STRN: variants seen among roughly 807,000 people sequenced by gnomAD.
STRN encodes protein phosphatase 2 regulatory subunit B'''alpha.
In STRN, 53 loss-of-function variants were observed where a neutral mutation model predicts 96.3. The observed-to-expected ratio is 0.55, with a 90% CI of 0.44 to 0.69. The LOEUF (loss-of-function observed/expected upper bound fraction) is 0.69, where lower values mean the gene tolerates loss of function less well. Ranked by LOEUF, STRN falls within the 30% of genes least tolerant of loss-of-function variation. STRN has a pLI of 0.00. For missense variants in STRN, 987 were observed against 963.9 expected, an observed-to-expected ratio of 1.02 and a Z score of -0.32; for synonymous variants, 428 against 355.9, an observed-to-expected ratio of 1.20 and a Z score of -2.28.
intron 3 of STRN, among the ~76,000 whole-genome samples, chr2:36,912,996 A>G (rs543075066): frequency 6.6e-6 from 1 of 152,346 alleles, no homozygotes; most frequent in South Asian, 2.1e-4. Flanking sequence ...ATAAAATCAA[A>G]TTTATGTATA....
chr2:36,957,062 A>G (rs1216700523), intron 1 of STRN, among the ~76,000 whole-genome samples: 1 of 152,224 alleles, frequency 6.6e-6, no homozygotes, highest in Non-Finnish European at 1.5e-5. Flanking sequence ...CCCTTAGGAT[A>G]TTGACCAATC....
intron 1 of STRN, among the ~76,000 whole-genome samples, chr2:36,937,932 A>G (rs1001863982): frequency 6.6e-6 from 1 of 152,148 alleles, no homozygotes; most frequent in African/African-American, 2.4e-5. Flanking sequence ...AAAGTAGGGG[A>G]AAAAAGGCAA....
chr2:36,906,765 T>C (rs1267156173), intron 3 of STRN, among the ~76,000 whole-genome samples: 1 of 151,752 alleles, frequency 6.6e-6, no homozygotes, highest in Non-Finnish European at 1.5e-5. Flanking sequence ...CCATATCTAC[T>C]AAAAATACAA....
rs1449116673 is a variant in STRN at position 36,849,698 on chromosome 2, T to C, written c.2173+16A>G. 6.2e-6 allele frequency: 10 copies of C among 1,613,784 alleles called. No individual in the cohort carries two copies. The South Asian group carries it at 6.6e-5, about 11-fold the overall frequency. On this transcript the variant is annotated intron_variant, in intron 17 of 17. Coordinates refer to ENST00000263918, the MANE Select transcript of STRN (RefSeq NM_003162.4). The stretch of plus-strand genomic sequence containing the variant: ...ATGGTAAGGACAAATAAATAATCCA[T>C]AGTTGAGGTACTTACTGCCAGACAT...
At chr2:36,876,333 G>C (rs1668910686) in intron 10 of STRN, among the ~76,000 whole-genome samples, 1 of 151,898 alleles carries the variant, frequency 6.6e-6, no homozygotes, top group African/African-American at 2.4e-5. Flanking sequence ...TGGAGTGCAA[G>C]GAGTCCATTT....
rs952450671 is a variant in STRN, at chr2:36,886,977, C to CA, written c.932-152dup. ...ATTCATTTTATATATATAAGTCACACAAAAAAATATAATCACTAAGAAGAA... is the reference window on the plus strand; with the variant it reads ...ATTCATTTTATATATATAAGTCACACAAAAAAAATATAATCACTAAGAAGAA... On this transcript the variant is annotated intron_variant, in intron 7 of 17. Coordinates refer to ENST00000263918, the MANE Select transcript of STRN (RefSeq NM_003162.4). 31 of 516,594 alleles carry CA rather than the reference C, an allele frequency of 6.0e-5. No homozygotes were observed. The African/African-American group carries it at 6.2e-4, about 10-fold the overall frequency. 32.0% of individuals were successfully genotyped at this position (516,594 alleles called of 1,614,324 possible). A position where few individuals can be genotyped will look rare whatever the true frequency, so the allele number is the denominator to read the frequency against.
Position 36,927,951 on chromosome 2 carries a change from C to T in STRN, c.235-2743G>A, listed in dbSNP as rs1319140332. Among the ~76,000 whole-genome samples the T allele has an allele frequency of 2.0e-5, 3 of 151,986 alleles. No homozygotes were observed. In the East Asian group the frequency reaches 5.8e-4, roughly 29 times the overall value. ...TAAAACACAGACAAGAATATGTATACAACCCAAATGACCACCTAAAGGAGA... is the reference window on the plus strand; with the variant it reads ...TAAAACACAGACAAGAATATGTATATAACCCAAATGACCACCTAAAGGAGA... On this transcript the variant is annotated intron_variant, in intron 1 of 17. Transcript: ENST00000263918.
chr2:36,947,120 T>A (rs1664596746), intron 1 of STRN, among the ~76,000 whole-genome samples: 2 of 152,154 alleles, frequency 1.3e-5, no homozygotes, highest in South Asian at 4.2e-4. Context: ...ATGGTCTCCA[T>A]CTCCTGAATT....
rs1384148026 is a variant in STRN at position 36,839,886 on chromosome 2, A to G, written c.*9570T>C. The G allele has an allele frequency of 2.0e-5, 3 of 152,216 alleles. No individual in the cohort carries two copies. Among genetic ancestry groups the G allele is most frequent in the Non-Finnish European group, 2.9e-5 (2 of 68,034 alleles). 9.4% of individuals were successfully genotyped at this position (152,216 alleles called of 1,614,324 possible). A position where few individuals can be genotyped will look rare whatever the true frequency, so the allele number is the denominator to read the frequency against. On this transcript the variant is annotated 3_prime_UTR_variant, in exon 18 of 18. Coordinates refer to ENST00000263918, the MANE Select transcript of STRN (RefSeq NM_003162.4). ...CTAACTTGTTGACTGTTTTATTCCT[A>G]AAACAATTGCACTGTTCAGCTAAAG... is the stretch of plus-strand genomic sequence containing the variant.
At chr2:36,938,185 G>A (rs535265267) in intron 1 of STRN, among the ~76,000 whole-genome samples, 1 of 152,234 alleles carries the variant, frequency 6.6e-6, no homozygotes, top group Non-Finnish European at 1.5e-5. Flanking sequence ...CAGCATTTTG[G>A]GAGGCCGAGG....
chr2:36,957,097 A>G (rs1664906425), intron 1 of STRN, among the ~76,000 whole-genome samples: 1 of 152,200 alleles, frequency 6.6e-6, no homozygotes, highest in African/African-American at 2.4e-5. Context: ...TGCAGGACTC[A>G]AGGAGCAAAA....
intron 8 of STRN, among the ~76,000 whole-genome samples, chr2:36,885,422 A>C (rs983208517): frequency 2.0e-5 from 3 of 152,182 alleles, no homozygotes; most frequent in Non-Finnish European, 4.4e-5. Flanking sequence ...GACTCTCAAA[A>C]GCCAAGACAA....
chr2:36,846,717 A>G lies in STRN; in HGVS notation c.*2739T>C, dbSNP rs1328883154. 2 of 151,950 alleles carry G rather than the reference A, an allele frequency of 1.3e-5. No individual in the cohort carries two copies. Among genetic ancestry groups the G allele is most frequent in the Non-Finnish European group, 2.9e-5 (2 of 67,998 alleles). The allele number at this position is 151,950 out of a possible 1,614,324, so 9.4% of individuals were successfully genotyped here. On this transcript the variant is annotated 3_prime_UTR_variant, in exon 18 of 18. Coordinates refer to ENST00000263918, the MANE Select transcript of STRN (RefSeq NM_003162.4). ...TGGCAAAAGTTGTTAAACTTGTTCAATAGAAAAATACTGAAGGTCATTATA... is the reference window on the plus strand; with the variant it reads ...TGGCAAAAGTTGTTAAACTTGTTCAGTAGAAAAATACTGAAGGTCATTATA...
chr2:36,958,281 A>G (rs1664944409), intron 1 of STRN, among the ~76,000 whole-genome samples: 1 of 152,132 alleles, frequency 6.6e-6, no homozygotes, highest in African/African-American at 2.4e-5. Context: ...ATACAAGGGA[A>G]CACGTCGTCA....
chr2:36,859,909 G>A (rs1668434185), intron 13 of STRN, among the ~76,000 whole-genome samples: 1 of 152,326 alleles, frequency 6.6e-6, no homozygotes, highest in Non-Finnish European at 1.5e-5. Context: ...GTTGTAGCCA[G>A]AAGCCAGAAT....
chr2:36,895,185 G>T (rs1669505119), intron 6 of STRN, among the ~76,000 whole-genome samples: 1 of 152,048 alleles, frequency 6.6e-6, no homozygotes, highest in Non-Finnish European at 1.5e-5. Context: ...AAATTAGCCA[G>T]GCATGGTGGC....
intron 15 of STRN, among the ~76,000 whole-genome samples, chr2:36,852,231 T>C (rs931858976): frequency 2.6e-5 from 4 of 152,342 alleles, no homozygotes; most frequent in Admixed American, 6.5e-5. Context: ...CAGTGATTTC[T>C]GTTAAGCTTT....
At chr2:36,920,847 C>T (rs563968297) in intron 2 of STRN, among the ~76,000 whole-genome samples, 51 of 151,970 alleles carry the variant, frequency 3.4e-4, no homozygotes, top group African/African-American at 1.2e-3. Flanking sequence ...GAGGCCAAGG[C>T]GGGCGGATCA....
At chr2:36,949,465 T>C (rs966917911) in intron 1 of STRN, among the ~76,000 whole-genome samples, 7 of 152,222 alleles carry the variant, frequency 4.6e-5, no homozygotes, top group East Asian at 1.9e-4. Context: ...GGCAATACTA[T>C]GTAAACTACT....
Sources: allele counts gnomAD v4.1 joint callset (sites outside exome capture counted in the v4.1 genomes callset), GRCh38; gene constraint gnomAD v4.1.1; transcripts MANE v1.5; gene names NCBI Gene and HGNC (gene_info 2026-07-23, HGNC 2026-07-21).